Variants in DPP6 observed in about 807,000 individuals in gnomAD.
DPP6 encodes the protein dipeptidyl peptidase like 6.
In DPP6, 69 loss-of-function variants were observed where a neutral mutation model predicts 122.6. The observed-to-expected ratio is 0.56, with a 90% CI of 0.46 to 0.69. DPP6 has a LOEUF of 0.69. Among genes scored for constraint, DPP6 ranks in the 30% least tolerant of loss-of-function variants. The pLI is 0.00. For missense variants in DPP6, 928 were observed against 1,116.9 expected (o/e 0.83, Z 2.41); for synonymous variants, 418 against 433.1 (o/e 0.97, Z 0.43).
chr7:154,779,773 C>G (rs1252528645), intron 10 of DPP6, among the ~76,000 whole-genome samples: 1 of 152,186 alleles, frequency 6.6e-6, no homozygotes, highest in African/African-American at 2.4e-5. Flanking sequence ...AGAAGCCCTT[C>G]TCAGCAGCAG....
intron 16 of DPP6, among the ~76,000 whole-genome samples, chr7:154,852,863 G>A (rs1802520638): frequency 6.8e-6 from 1 of 147,114 alleles, no homozygotes; most frequent in African/African-American, 2.5e-5. Flanking sequence ...GGGATAGTTG[G>A]AGATGGCATT....
intron 1 of DPP6, among the ~76,000 whole-genome samples, chr7:154,441,818 C>T (rs992784607): frequency 6.6e-6 from 1 of 151,536 alleles, no homozygotes; most frequent in African/African-American, 2.4e-5. Context: ...TTGGCACACA[C>T]AAAAGTCAAG....
At chr7:154,578,882 C>G (rs1055705683) in intron 5 of DPP6, among the ~76,000 whole-genome samples, 3 of 152,180 alleles carry the variant, frequency 2.0e-5, no homozygotes. Flanking sequence ...GCACTGCAAT[C>G]TGCTGTATAA....
At position 154,882,958 on chromosome 7, in the gene DPP6, A is replaced by G. The variant is rs557039380; in HGVS notation, c.2133+2016A>G. Reference sequence around the variant, plus strand: ...CTGCGCTTCACGGTCTCAGTCAGGTACCTGGGTTCTCTACACTCCATGCTC... The same window carrying G: ...CTGCGCTTCACGGTCTCAGTCAGGTGCCTGGGTTCTCTACACTCCATGCTC... On this transcript the variant is annotated intron_variant, in intron 21 of 25. Transcript: ENST00000377770. Among the ~76,000 whole-genome samples the G allele has an allele frequency of 9.2e-5, 14 of 152,244 alleles. No homozygotes were observed. In the East Asian group the frequency reaches 2.3e-3, roughly 25 times the overall value.
chr7:154,689,060 T>G (rs1488211255), intron 7 of DPP6, among the ~76,000 whole-genome samples: 1 of 152,218 alleles, frequency 6.6e-6, no homozygotes, highest in Non-Finnish European at 1.5e-5. Context: ...ATTTCTTCCT[T>G]TTTCATCCTC....
intron 17 of DPP6, among the ~76,000 whole-genome samples, chr7:154,867,687 G>T (rs959246806): frequency 6.6e-6 from 1 of 152,210 alleles, no homozygotes; most frequent in African/African-American, 2.4e-5. Flanking sequence ...GTCATGGGAA[G>T]AATCATACCA....
intron 1 of DPP6, among the ~76,000 whole-genome samples, chr7:154,169,181 A>G (rs1244762848): frequency 1.3e-5 from 2 of 152,164 alleles, no homozygotes; most frequent in Admixed American, 6.6e-5. Context: ...AAAGGAGAGA[A>G]GCTTCCTCTC....
At chr7:153,961,080 T>C (rs1795328863) in intron 1 of DPP6, among the ~76,000 whole-genome samples, 2 of 145,396 alleles carry the variant, frequency 1.4e-5, no homozygotes, top group South Asian at 4.6e-4. Context: ...TATTAGGCTT[T>C]GAAAATTGCT....
At position 154,500,857 on chromosome 7, in the gene DPP6, C is replaced by G. The variant is rs536713131; in HGVS notation, c.457+25820C>G. Among the ~76,000 whole-genome samples the G allele has an allele frequency of 2.0e-5, 3 of 152,218 alleles. 1 individual carries two copies. The East Asian group carries it at 5.8e-4, about 29-fold the overall frequency. On this transcript the variant is annotated intron_variant, in intron 3 of 25. Transcript: ENST00000377770. Reference sequence around the variant, plus strand: ...ACTGGGTAACAGGCAGAGGTTGGAACAGTTTGGAGAGCTCAGAAGAAGGAA... The same window carrying G: ...ACTGGGTAACAGGCAGAGGTTGGAAGAGTTTGGAGAGCTCAGAAGAAGGAA...
chr7:154,505,852 TGGAA>T, intron 3 of DPP6, among the ~76,000 whole-genome samples: 1 of 152,348 alleles, frequency 6.6e-6, no homozygotes, highest in East Asian at 1.9e-4. Context: ...CTGTGCTCTT[TGGAA>T]GGAAGTCACT....
the DPP6 span, among the ~76,000 whole-genome samples, chr7:153,822,315 G>A: frequency 4.0e-5 from 6 of 150,218 alleles, no homozygotes; most frequent in Non-Finnish European, 5.9e-5. Flanking sequence ...TCAGCCTCCC[G>A]AGTAGCTGGG....
chr7:154,818,389 G>A (rs1186762858), intron 16 of DPP6, among the ~76,000 whole-genome samples: 3 of 152,160 alleles, frequency 2.0e-5, no homozygotes, highest in East Asian at 1.9e-4. Flanking sequence ...CCTTCAGAGT[G>A]CTGGATCAAC....
chr7:154,315,918 G>C (rs937429439), intron 1 of DPP6, among the ~76,000 whole-genome samples: 3 of 152,112 alleles, frequency 2.0e-5, no homozygotes, highest in Non-Finnish European at 4.4e-5. Flanking sequence ...ATAAGCTTCT[G>C]AAGGACACAA....
the DPP6 span, among the ~76,000 whole-genome samples, chr7:153,764,087 A>C: frequency 6.6e-6 from 1 of 152,182 alleles, no homozygotes; most frequent in African/African-American, 2.4e-5. Context: ...TTTGAAGATA[A>C]CATAGCTTTT....
intron 21 of DPP6, 58 bp from the exon 22 acceptor site, chr7:154,885,575 G>C: frequency 6.5e-7 from 1 of 1,541,432 alleles, no homozygotes; most frequent in South Asian, 1.2e-5. Flanking sequence ...GCCCGAGGCT[G>C]CTTCATGCTG....
At chr7:154,425,629 T>TAAA (rs1563648906) in intron 1 of DPP6, among the ~76,000 whole-genome samples, 2 of 50,520 alleles carry the variant, frequency 4.0e-5, no homozygotes, top group Non-Finnish European at 5.0e-5. Flanking sequence ...TGGGTGTGTG[T>TAAA]GTGTGTGTGT....
chr7:154,621,764 C>G (rs571412743), intron 5 of DPP6, among the ~76,000 whole-genome samples: 1 of 152,234 alleles, frequency 6.6e-6, no homozygotes, highest in Non-Finnish European at 1.5e-5. Context: ...CTCTTCCCTC[C>G]TCATGCCTAC....
chr7:154,543,717 G>C (rs1160870785), intron 4 of DPP6, among the ~76,000 whole-genome samples: 1 of 152,142 alleles, frequency 6.6e-6, no homozygotes, highest in Non-Finnish European at 1.5e-5. Flanking sequence ...GTTCAGACCA[G>C]GTGCGGTGGT....
the DPP6 span, among the ~76,000 whole-genome samples, chr7:153,867,668 C>T: frequency 6.7e-3 from 813 of 121,512 alleles, no homozygotes; most frequent in African/African-American, 0.011. Context: ...ATTGCCCTGG[C>T]CAGAACTTCC....
Sources: gnomAD v4.1 joint callset for allele counts (sites outside exome capture counted in the v4.1 genomes callset) on GRCh38, gnomAD v4.1.1 for gene constraint, MANE v1.5 for transcripts, NCBI Gene and HGNC (gene_info 2026-07-23, HGNC 2026-07-21) for gene names.